ZNF510: variants seen among roughly 807,000 people sequenced by gnomAD.
ZNF510 encodes zinc finger protein 510.
ZNF510 carries 15 observed loss-of-function variants against 18.1 expected under a neutral mutation model. That is an observed-to-expected ratio of 0.83 (90% CI 0.55 to 1.28). The LOEUF is 1.28. Ranked by LOEUF, ZNF510 falls within the 50% of genes most tolerant of loss-of-function variation. The pLI, the probability that ZNF510 is intolerant of heterozygous loss-of-function variation, is 0.00. For synonymous variants in ZNF510, 261 were observed against 266.4 expected (o/e 0.98, Z 0.20); for missense variants, 724 against 791.8 (o/e 0.91, Z 1.03).
intron 3 of ZNF510, among the ~76,000 whole-genome samples, chr9:96,773,632 G>A (rs2118062809): frequency 6.6e-6 from 1 of 151,734 alleles, no homozygotes; most frequent in South Asian, 2.1e-4. Context: ...CTGGAGTGCA[G>A]TAGCACGATC....
intron 5 of ZNF510, among the ~76,000 whole-genome samples, chr9:96,762,193 C>A (rs535423247): frequency 7.2e-6 from 1 of 139,784 alleles, no homozygotes; most frequent in Non-Finnish European, 1.5e-5. Flanking sequence ...TCCCCCAAAA[C>A]CTGTGGAAAT....
rs780532127 is a variant in ZNF510 at position 96,760,325 on chromosome 9, A to C, written c.505T>G (p.Ser169Ala). The change falls in exon 6 of 6, where the codon TCA becomes GCA. Residue 169 changes from serine to alanine, a missense_variant. Physicochemically the swap from Ser to Ala is moderately conservative, Grantham distance 99. Coordinates refer to ENST00000223428, the MANE Select transcript of ZNF510 (RefSeq NM_014930.3). Reference sequence around the variant, plus strand: ...TTGCATTTGCAGGACATTTTTGTTGAAGCAACAGCAGCTACATGCAGAGTA... The same window carrying C: ...TTGCATTTGCAGGACATTTTTGTTGCAGCAACAGCAGCTACATGCAGAGTA... ...PFTLHVAAVA[S>A]TKMSCKCNSW... 1.2e-5 allele frequency: 20 copies of C among 1,613,740 alleles called. No homozygotes were observed. The highest frequency in any genetic ancestry group is 1.6e-4 in the Middle Eastern group (1 of 6,078).
chr9:96,764,561 C>A (rs953787281), intron 3 of ZNF510, among the ~76,000 whole-genome samples: 2 of 152,070 alleles, frequency 1.3e-5, no homozygotes, highest in African/African-American at 4.8e-5. Flanking sequence ...CCATCAGAGA[C>A]CTTATGATTG....
Position 96,763,603 on chromosome 9 carries a change from T to C in ZNF510, c.159A>G (p.Ile53Met). The C allele has an allele frequency of 3.1e-6, 5 of 1,613,510 alleles. No individual in the cohort carries two copies. The highest frequency in any genetic ancestry group is 4.2e-6 in the Non-Finnish European group (5 of 1,179,686). ...GCTGCCACTCCTCCTGGGTGAATTC[T>C]ATAGTCACGTCCTTGAATGACACTG... ...QASVSFKDVT[I>M]EFTQEEWQQM... is the part of the protein sequence containing the mutation. The change falls in exon 4 of 6, where the codon ATA (isoleucine) becomes ATG (methionine). Residue 53 changes from isoleucine (I) to methionine (M), a missense_variant. Coordinates refer to ENST00000223428, the MANE Select transcript of ZNF510 (RefSeq NM_014930.3).
chr9:96,767,103 G>A (rs987103463), intron 3 of ZNF510, among the ~76,000 whole-genome samples: 1 of 152,100 alleles, frequency 6.6e-6, no homozygotes, highest in Non-Finnish European at 1.5e-5. Flanking sequence ...TGAGGCAGGC[G>A]AATCACTTGA....
chr9:96,765,823 T>C (rs921332247), intron 3 of ZNF510, among the ~76,000 whole-genome samples: 14 of 152,178 alleles, frequency 9.2e-5, no homozygotes, highest in Non-Finnish European at 1.8e-4. Context: ...TGATTTCACT[T>C]TTTAAATGGC....
At position 96,756,594 on chromosome 9, in the gene ZNF510, G is replaced by A. The variant is rs919421397; in HGVS notation, c.*2184C>T. The A allele has an allele frequency of 6.6e-6, 1 of 152,316 alleles. No homozygotes were observed. Among genetic ancestry groups the A allele is most frequent in the Non-Finnish European group, 1.5e-5 (1 of 68,054 alleles). The allele number at this position is 152,316 out of a possible 1,614,324, so 9.4% of individuals were successfully genotyped here. A position where few individuals can be genotyped will look rare whatever the true frequency, so the allele number is the denominator to read the frequency against. On this transcript the variant is annotated 3_prime_UTR_variant, in exon 6 of 6. Coordinates refer to ENST00000223428, the MANE Select transcript of ZNF510 (RefSeq NM_014930.3). The stretch of plus-strand genomic sequence containing the variant: ...TTGCTGGGTCCTTTTCATTTTGTTA[G>A]TTGTTGAGTCCAAGACGACAAACTC...
intron 4 of ZNF510, 70 bp from the exon 5 acceptor site, chr9:96,763,283 A>G: frequency 3.9e-6 from 6 of 1,527,100 alleles, no homozygotes; most frequent in Non-Finnish European, 5.4e-6. Context: ...GTGGAAGAAA[A>G]TACAGCTTTG....
At position 96,756,587 on chromosome 9, in the gene ZNF510, TTTGTTAG is replaced by T. The variant is rs1849199051; in HGVS notation, c.*2184_*2190del. The T allele has an allele frequency of 6.6e-6, 1 of 152,206 alleles. No individual in the cohort carries two copies. Among genetic ancestry groups the T allele is most frequent in the Non-Finnish European group, 1.5e-5 (1 of 68,056 alleles). 9.4% of individuals were successfully genotyped at this position (152,206 alleles called of 1,614,324 possible). On this transcript the variant is annotated 3_prime_UTR_variant, in exon 6 of 6. Coordinates refer to ENST00000223428, the MANE Select transcript of ZNF510 (RefSeq NM_014930.3). ...GTGAGGCTTGCTGGGTCCTTTTCAT[TTTGTTAG>T]TTGTTGAGTCCAAGACGACAAACTC... is the stretch of plus-strand genomic sequence containing the variant.
chr9:96,768,161 AT>A (rs1341297640), intron 3 of ZNF510, among the ~76,000 whole-genome samples: 4 of 152,216 alleles, frequency 2.6e-5, no homozygotes, highest in African/African-American at 9.6e-5. Context: ...TGACAAAAAT[AT>A]CCTTTCATGA....
intron 3 of ZNF510, among the ~76,000 whole-genome samples, chr9:96,765,144 CTGAG>C (rs1472403624): frequency 6.6e-6 from 1 of 151,980 alleles, no homozygotes; most frequent in Non-Finnish European, 1.5e-5. Flanking sequence ...CAACAAAAAA[CTGAG>C]TAACGATTTG....
rs1849201915 is a variant in ZNF510 at position 96,756,715 on chromosome 9, G to T, written c.*2063C>A. 6.6e-6 allele frequency: 1 copy of T among 152,320 alleles called. No individual in the cohort carries two copies. The highest frequency in any genetic ancestry group is 2.1e-4 in the South Asian group (1 of 4,832). 9.4% of individuals were successfully genotyped at this position (152,320 alleles called of 1,614,324 possible). On this transcript the variant is annotated 3_prime_UTR_variant, in exon 6 of 6. Transcript: ENST00000223428. Reference sequence around the variant, plus strand: ...GTAAACTAACAGCTGCTTTTCAGAAGGGGTGGACCTGGTACCCTTGTCAGG... The same window carrying T: ...GTAAACTAACAGCTGCTTTTCAGAATGGGTGGACCTGGTACCCTTGTCAGG...
intron 3 of ZNF510, among the ~76,000 whole-genome samples, chr9:96,767,467 A>G (rs892014465): frequency 6.6e-6 from 1 of 152,262 alleles, no homozygotes; most frequent in African/African-American, 2.4e-5. Flanking sequence ...TGAAATTTAT[A>G]GCTGTAACAC....
At chr9:96,769,403 T>TTG (rs1172981367) in intron 3 of ZNF510, among the ~76,000 whole-genome samples, 2 of 150,858 alleles carry the variant, frequency 1.3e-5, no homozygotes, top group African/African-American at 4.9e-5. Flanking sequence ...TGCCACTGGA[T>TTG]TCCAGCCTGG....
At chr9:96,776,574 A>AG (rs1195463457) in intron 1 of ZNF510, among the ~76,000 whole-genome samples, 2 of 152,212 alleles carry the variant, frequency 1.3e-5, no homozygotes, top group African/African-American at 4.8e-5. Flanking sequence ...CAGGAGTTCA[A>AG]GATAAGCCTG....
rs748855762 is a variant in ZNF510, at chr9:96,759,241, T to C, written c.1589A>G (p.Asn530Ser). ...QCGKTFGQKS[N>S]LRIHQRTHTG... ...GTGAGTTCTCTGATGTATTCTGAGG[T>C]TTGACTTCTGGCCAAATGTTTTTCC... Residue 530 changes from asparagine to serine, a missense_variant, in exon 6 of 6, where the codon AAC becomes AGC. Asn to Ser is a conservative substitution (Grantham distance 46). Transcript: ENST00000223428. The C allele has an allele frequency of 2.2e-5, 35 of 1,613,952 alleles. No individual in the cohort carries two copies. The highest frequency in any genetic ancestry group is 1.8e-5 in the Non-Finnish European group (21 of 1,179,970).
At chr9:96,774,421 T>C (rs1339324371) in intron 3 of ZNF510, among the ~76,000 whole-genome samples, 2 of 152,232 alleles carry the variant, frequency 1.3e-5, no homozygotes, top group Admixed American at 6.5e-5. Flanking sequence ...AAGGCTGTTA[T>C]GAGAAAGATT....
At chr9:96,765,894 G>T (rs9299139) in intron 3 of ZNF510, among the ~76,000 whole-genome samples, 9,024 of 152,148 alleles carry the variant, frequency 0.059, 882 homozygotes, top group African/African-American at 0.2. Flanking sequence ...CTGTGGTATG[G>T]CTCATGGAGA....
intron 3 of ZNF510, among the ~76,000 whole-genome samples, chr9:96,765,146 G>A (rs1849441953): frequency 6.6e-6 from 1 of 151,932 alleles, no homozygotes; most frequent in Admixed American, 6.6e-5. Flanking sequence ...ACAAAAAACT[G>A]AGTAACGATT....
Sources: allele counts gnomAD v4.1 joint callset (sites outside exome capture counted in the v4.1 genomes callset), GRCh38; gene constraint gnomAD v4.1.1; transcripts MANE v1.5; gene names NCBI Gene and HGNC (gene_info 2026-07-23, HGNC 2026-07-21).